EPHB1: variants seen among roughly 807,000 people sequenced by gnomAD.
EPHB1 encodes the protein EPH receptor B1.
Under a neutral mutation model 94.4 loss-of-function variants are expected in EPHB1, and 30 were observed. The observed-to-expected ratio is 0.32, with a 90% CI of 0.24 to 0.43. EPHB1 has a LOEUF of 0.43. Among genes scored for constraint, EPHB1 ranks in the 20% least tolerant of loss-of-function variants. The pLI is 1.00. For missense variants in EPHB1, 1,055 were observed against 1,308.3 expected, an observed-to-expected ratio of 0.81 and a Z score of 2.99; for synonymous variants, 522 against 489.1, an observed-to-expected ratio of 1.07 and a Z score of -0.89.
intron 4 of EPHB1, among the ~76,000 whole-genome samples, chr3:135,116,481 T>C (rs1254287277): frequency 2.6e-5 from 4 of 152,178 alleles, no homozygotes; most frequent in Non-Finnish European, 4.4e-5. Context: ...CTGATTTCAT[T>C]TGGCCAGAGA....
chr3:135,134,247 G>A (rs1175758941), intron 5 of EPHB1, among the ~76,000 whole-genome samples: 1 of 152,194 alleles, frequency 6.6e-6, no homozygotes, highest in East Asian at 1.9e-4. Context: ...CAGGAGCCAA[G>A]CATCTATCTC....
intron 3 of EPHB1, among the ~76,000 whole-genome samples, chr3:134,957,572 A>G (rs985863082): frequency 4.6e-5 from 7 of 152,328 alleles, no homozygotes; most frequent in Admixed American, 3.9e-4. Context: ...TGAACAACCC[A>G]GAGTATCAAC....
At chr3:135,042,880 C>T (rs748774146) in intron 3 of EPHB1, among the ~76,000 whole-genome samples, 26 of 151,998 alleles carry the variant, frequency 1.7e-4, no homozygotes, top group African/African-American at 4.8e-4. Flanking sequence ...CTCCGTCTGT[C>T]GCCCAGGCTG....
chr3:134,829,820 A>G (rs1578120456), intron 1 of EPHB1, among the ~76,000 whole-genome samples: 1 of 152,304 alleles, frequency 6.6e-6, no homozygotes, highest in African/African-American at 2.4e-5. Flanking sequence ...TTGGACGCAG[A>G]CATGCACACA....
intron 1 of EPHB1, among the ~76,000 whole-genome samples, chr3:134,859,621 AGCTTC>A: frequency 6.6e-6 from 1 of 152,250 alleles, no homozygotes; most frequent in Non-Finnish European, 1.5e-5. Flanking sequence ...CTTCCCTCTG[AGCTTC>A]AAGACCCTGG....
In EPHB1 at chr3:135,093,043, C is replaced by T. The variant is rs138656335; in HGVS notation, c.806-13405C>T. On this transcript the variant is annotated intron_variant, in intron 3 of 15. Coordinates refer to ENST00000398015, the MANE Select transcript of EPHB1 (RefSeq NM_004441.5). ...CCTGCGTATCTGGAATTCCTCACTCCGTGTCAATGGACTTCTTCTTACCCA... is the reference window on the plus strand; with the variant it reads ...CCTGCGTATCTGGAATTCCTCACTCTGTGTCAATGGACTTCTTCTTACCCA... 8.5e-5 allele frequency among the ~76,000 whole-genome samples: 13 copies of T among 152,322 alleles called. No homozygotes were observed. The East Asian group carries it at 1.7e-3, about 20-fold the overall frequency.
At chr3:135,151,100 C>T (rs1941177828) in intron 5 of EPHB1, among the ~76,000 whole-genome samples, 1 of 152,220 alleles carries the variant, frequency 6.6e-6, no homozygotes, top group Admixed American at 6.5e-5. Flanking sequence ...CATTGTTTCC[C>T]AGCTATATTA....
intron 1 of EPHB1, among the ~76,000 whole-genome samples, chr3:134,874,084 G>A (rs1005753562): frequency 1.3e-5 from 2 of 152,156 alleles, no homozygotes; most frequent in Admixed American, 6.5e-5. Flanking sequence ...TGGCTGAGTG[G>A]GCCTGTGGCC....
intron 12 of EPHB1, 38 bp from the exon 13 acceptor site, chr3:135,241,110 C>G: frequency 6.2e-7 from 1 of 1,613,996 alleles, no homozygotes; most frequent in Non-Finnish European, 8.5e-7. Flanking sequence ...AATCAGAAAC[C>G]TGATTGTTGG....
chr3:135,195,237 C>T (rs1328693036), intron 11 of EPHB1, among the ~76,000 whole-genome samples: 2 of 152,094 alleles, frequency 1.3e-5, no homozygotes, highest in Non-Finnish European at 2.9e-5. Flanking sequence ...CACTCCCCCG[C>T]TGGAGTGTGC....
intron 3 of EPHB1, among the ~76,000 whole-genome samples, chr3:135,094,511 C>G (rs1938683604): frequency 2.0e-5 from 3 of 152,284 alleles, no homozygotes; most frequent in South Asian, 4.2e-4. Flanking sequence ...CCTCCCATGT[C>G]CTTCCCTTGC....
chr3:134,939,380 G>T (rs1026186128), intron 2 of EPHB1, among the ~76,000 whole-genome samples: 1 of 151,120 alleles, frequency 6.6e-6, no homozygotes, highest in African/African-American at 2.4e-5. Context: ...TGAATGGGGG[G>T]TGGGGGGGTG....
At chr3:134,895,405 G>C (rs918204691) in intron 1 of EPHB1, among the ~76,000 whole-genome samples, 1 of 152,230 alleles carries the variant, frequency 6.6e-6, no homozygotes, top group South Asian at 2.1e-4. Context: ...GGAGTGTGTA[G>C]GAGAGTGAGT....
chr3:134,820,457 A>G (rs1332185170), intron 1 of EPHB1, among the ~76,000 whole-genome samples: 1 of 152,006 alleles, frequency 6.6e-6, no homozygotes, highest in East Asian at 1.9e-4. Flanking sequence ...GCCCCCTTGG[A>G]CCAGAAACTG....
chr3:135,207,447 T>TG (rs10662148), intron 12 of EPHB1, among the ~76,000 whole-genome samples: 1 of 144,420 alleles, frequency 6.9e-6, no homozygotes, highest in East Asian at 2.0e-4. Flanking sequence ...GGCCACAAGC[T>TG]GGGGACATAA....
chr3:135,189,347 G>A (rs557085553), intron 10 of EPHB1, among the ~76,000 whole-genome samples: 13 of 152,282 alleles, frequency 8.5e-5, no homozygotes, highest in African/African-American at 2.2e-4. Flanking sequence ...AGCTTGGATG[G>A]TTTAAGCCTA....
chr3:135,078,452 T>G (rs1938027248), intron 3 of EPHB1, among the ~76,000 whole-genome samples: 1 of 152,222 alleles, frequency 6.6e-6, no homozygotes, highest in Admixed American at 6.5e-5. Context: ...ATTAGTAATG[T>G]GCAGACAGGT....
In EPHB1 at chr3:135,112,397, TTTA is replaced by T. The variant is rs1357304955; in HGVS notation, c.961+5805_961+5807del. Among the ~76,000 whole-genome samples the T allele has an allele frequency of 2.6e-5, 4 of 152,182 alleles. No homozygotes were observed. The East Asian group carries it at 7.7e-4, about 29-fold the overall frequency. ...ACAATGAGGGTGATTTTTTTTTAAT[TTTA>T]TTATTATTATACTTTAAGTTTTAGG... On this transcript the variant is annotated intron_variant, in intron 4 of 15. Coordinates refer to ENST00000398015, the MANE Select transcript of EPHB1 (RefSeq NM_004441.5).
At chr3:135,115,607 C>T (rs1295714103) in intron 4 of EPHB1, among the ~76,000 whole-genome samples, 1 of 152,004 alleles carries the variant, frequency 6.6e-6, no homozygotes, top group African/African-American at 2.4e-5. Flanking sequence ...CATGACCTTA[C>T]AGAGCAGGTG....
Sources: allele counts gnomAD v4.1 joint callset (sites outside exome capture counted in the v4.1 genomes callset), GRCh38; gene constraint gnomAD v4.1.1; transcripts MANE v1.5; gene names NCBI Gene and HGNC (gene_info 2026-07-23, HGNC 2026-07-21).